PVR: variants seen among roughly 807,000 people sequenced by gnomAD.
The protein encoded by PVR is PVR cell adhesion molecule.
Under a neutral mutation model 43.3 loss-of-function variants are expected in PVR, and 39 were observed. The observed-to-expected ratio is 0.90, with a 90% CI of 0.70 to 1.18. PVR has a LOEUF of 1.18. Among genes scored for constraint, PVR ranks in the 50% most tolerant of loss-of-function variants. The pLI is 0.00. For missense variants in PVR, 480 were observed against 549.7 expected, an observed-to-expected ratio of 0.87 and a Z score of 1.27; for synonymous variants, 224 against 233.2, an observed-to-expected ratio of 0.96 and a Z score of 0.36.
Position 44,661,761 on chromosome 19 carries a change from A to C in PVR, c.1204A>C (p.Ser402Arg), listed in dbSNP as rs1327821969. ...ANGHVSYSAV[S>R]RENSSSQDPQ... Reference sequence around the variant, plus strand: ...CTAGCATGTCTCCTATTCAGCTGTGAGCAGAGAGAACAGCTCTTCCCAGGA... The same window carrying C: ...CTAGCATGTCTCCTATTCAGCTGTGCGCAGAGAGAACAGCTCTTCCCAGGA... Residue 402 changes from serine to arginine, a missense_variant, in exon 8 of 8, where the codon AGC (serine) becomes CGC (arginine). By Grantham distance (110) the Ser-to-Arg change is moderately radical (BLOSUM62 -1). Transcript: ENST00000425690. 3.1e-6 allele frequency: 5 copies of C among 1,614,036 alleles called. No individual in the cohort carries two copies. The East Asian group carries it at 1.1e-4, about 36-fold the overall frequency.
At position 44,665,512 on chromosome 19, in the gene PVR, T is replaced by TA. The variant is rs763278079; in HGVS notation, c.*3703dup. 1.3e-5 allele frequency: 2 copies of TA among 151,962 alleles called. No individual in the cohort carries two copies. The highest frequency in any genetic ancestry group is 2.9e-5 in the Non-Finnish European group (2 of 68,224). The allele number at this position is 151,962 out of a possible 1,614,324, so 9.4% of individuals were successfully genotyped here. A position where few individuals can be genotyped will look rare whatever the true frequency, so the allele number is the denominator to read the frequency against. On this transcript the variant is annotated 3_prime_UTR_variant, in exon 8 of 8. Transcript: ENST00000425690. ...AGCCAGGTGTGGTGGTGCATGCTTG[T>TA]AATCCCAGCTACTCAGAAGGCTGAG...
At chr19:44,648,679 CT>C (rs1056786770) in intron 2 of PVR, among the ~76,000 whole-genome samples, 2 of 151,388 alleles carry the variant, frequency 1.3e-5, no homozygotes, top group Non-Finnish European at 2.9e-5. Context: ...GTTTTGTTTT[CT>C]TTTCTTTTTA....
At chr19:44,655,621 A>G (rs1973422050) in intron 4 of PVR, among the ~76,000 whole-genome samples, 1 of 152,158 alleles carries the variant, frequency 6.6e-6, no homozygotes, top group Non-Finnish European at 1.5e-5. Flanking sequence ...TGTCTTGTGA[A>G]TACCTTTCCA....
At chr19:44,653,590 TG>T (rs751672336) in intron 3 of PVR, 10 of 271,970 alleles carry the variant, frequency 3.7e-5, no homozygotes, top group Non-Finnish European at 7.3e-6. Flanking sequence ...GAGTGGTCAT[TG>T]CCTATGAGTG....
chr19:44,648,048 T>C lies in PVR; in HGVS notation c.427+478T>C, dbSNP rs540310095. On this transcript the variant is annotated intron_variant, in intron 2 of 7. Transcript: ENST00000425690. ...ACCCATGAGGGCAGAACCGGGGCTA[T>C]TTTGATCACTGCTGGGCCCCAGCAC... 1.3e-3 allele frequency among the ~76,000 whole-genome samples: 204 copies of C among 152,290 alleles called. 1 individual carries two copies. Among genetic ancestry groups the C allele is most frequent in the Non-Finnish European group, 2.4e-3 (166 of 68,010 alleles).
At chr19:44,647,094 C>CCCCCCCCCCCCCCCG in intron 1 of PVR, 129 bp from the exon 2 acceptor site, 1 of 562,320 alleles carries the variant, frequency 1.8e-6, no homozygotes, top group Non-Finnish European at 3.0e-6. Context: ...CCCCCCACAC[C>CCCCCCCCCCCCCCCG]CCACGGTCCA....
intron 4 of PVR, among the ~76,000 whole-genome samples, chr19:44,657,351 A>G (rs1973472997): frequency 6.6e-6 from 1 of 152,142 alleles, no homozygotes; most frequent in Non-Finnish European, 1.5e-5. Context: ...TTTAACTCTG[A>G]GCCAGGCTAG....
At chr19:44,658,078 G>C (rs187144948) in intron 5 of PVR, among the ~76,000 whole-genome samples, 168 bp downstream of exon 5, 3 of 152,182 alleles carry the variant, frequency 2.0e-5, no homozygotes, top group Non-Finnish European at 2.9e-5. Flanking sequence ...CACTGGTACC[G>C]TTGTTCAGCT....
chr19:44,649,700 C>T, intron 2 of PVR, 109 bp from the exon 3 acceptor site: 2 of 1,223,888 alleles, frequency 1.6e-6, no homozygotes, highest in Non-Finnish European at 2.3e-6. Flanking sequence ...GGATTATAGG[C>T]GTGAGCCACC....
chr19:44,655,582 C>A (rs570674258), intron 4 of PVR, among the ~76,000 whole-genome samples: 46 of 152,272 alleles, frequency 3.0e-4, no homozygotes, highest in Middle Eastern at 6.8e-3. Context: ...TGGAATTATG[C>A]TGTACATATA....
At chr19:44,645,708 C>T (rs1973098066) in intron 1 of PVR, among the ~76,000 whole-genome samples, 1 of 151,740 alleles carries the variant, frequency 6.6e-6, no homozygotes, top group African/African-American at 2.4e-5. Context: ...TGCCTGTAAT[C>T]CCAACACTTT....
At chr19:44,644,627 G>C (rs1973025729) in intron 1 of PVR, among the ~76,000 whole-genome samples, 1 of 152,008 alleles carries the variant, frequency 6.6e-6, no homozygotes, top group South Asian at 2.1e-4. Context: ...TTGATGTTGG[G>C]GAGGAGGACA....
intron 1 of PVR, among the ~76,000 whole-genome samples, chr19:44,645,119 ATATAT>A (rs1251074206): frequency 5.0e-5 from 4 of 80,262 alleles, no homozygotes; most frequent in South Asian, 3.2e-4. Context: ...GTAATATATA[ATATAT>A]TATAATATAT....
Position 44,647,443 on chromosome 19 carries a change from C to A in PVR, c.300C>A (p.Gly100=). ...KRLEFVAARL[G]AELRNASLRM... ...TGGAATTCGTGGCAGCCAGACTGGG[C>A]GCGGAGCTGCGGAATGCCTCGCTGA... Residue 100 remains glycine (G), a synonymous_variant, in exon 2 of 8, where the codon GGC becomes GGA. Transcript: ENST00000425690. The A allele has an allele frequency of 6.2e-7, 1 of 1,614,046 alleles. No individual in the cohort carries two copies. The highest frequency in any genetic ancestry group is 8.5e-7 in the Non-Finnish European group (1 of 1,179,988).
intron 6 of PVR, among the ~76,000 whole-genome samples, chr19:44,660,483 TTAACA>T (rs564413585): frequency 5.3e-5 from 8 of 152,294 alleles, no homozygotes; most frequent in Non-Finnish European, 1.0e-4. Flanking sequence ...ATTGTTATTA[TTAACA>T]TAAACTGCAC....
chr19:44,665,159 G>C lies in PVR; in HGVS notation c.*3348G>C, dbSNP rs1029886976. 2 of 152,012 alleles carry C rather than the reference G, an allele frequency of 1.3e-5. No homozygotes were observed. The highest frequency in any genetic ancestry group is 4.8e-5 in the African/African-American group (2 of 41,360). The allele number at this position is 152,012 out of a possible 1,614,324, so 9.4% of individuals were successfully genotyped here. ...ACTATCCTTATCAGAGACTTGGCGGGGGGCAGGGTATGATGGAGATCATAA... is the reference window on the plus strand; with the variant it reads ...ACTATCCTTATCAGAGACTTGGCGGCGGGCAGGGTATGATGGAGATCATAA... On this transcript the variant is annotated 3_prime_UTR_variant, in exon 8 of 8. Transcript: ENST00000425690.
chr19:44,658,960 TCCAGTGTGCCTCTCACTGAATCCTCACC>T, intron 6 of PVR, 60 bp downstream of exon 6: 6 of 1,519,678 alleles, frequency 3.9e-6, no homozygotes, highest in Non-Finnish European at 5.4e-6. Context: ...GCTGAGTCCT[TCCAGTGTGCCTCTCACTGAATCCTCACC>T]CCACTGCCAT....
intron 1 of PVR, 82 bp from the exon 2 acceptor site, chr19:44,647,141 C>T (rs994577440): frequency 2.3e-5 from 25 of 1,107,412 alleles, no homozygotes; most frequent in Non-Finnish European, 3.0e-5. Context: ...AGTGCACGCC[C>T]AGGTGCCCGG....
intron 2 of PVR, among the ~76,000 whole-genome samples, chr19:44,648,529 G>A (rs1424302686): frequency 1.3e-5 from 2 of 151,588 alleles, no homozygotes; most frequent in African/African-American, 2.4e-5. Flanking sequence ...CGCCCAGGCT[G>A]GAGTGCAGTG....
Sources: gnomAD v4.1 joint callset for allele counts (sites outside exome capture counted in the v4.1 genomes callset) on GRCh38, gnomAD v4.1.1 for gene constraint, MANE v1.5 for transcripts, NCBI Gene and HGNC (gene_info 2026-07-23, HGNC 2026-07-21) for gene names.